The following ARID5B variants were observed in gnomAD, a reference collection of about 807,000 sequenced individuals.
The protein encoded by ARID5B is AT-rich interactive domain-containing protein 5B.
In ARID5B, 13 loss-of-function variants were observed where a neutral mutation model predicts 97.2. The observed-to-expected ratio is 0.13, with a 90% confidence interval of 0.09 to 0.21. ARID5B has a LOEUF of 0.21. ARID5B is among the 10% of genes least tolerant of loss of function. The pLI is 1.00. For missense variants in ARID5B, 1,210 were observed against 1,465.3 expected, an observed-to-expected ratio of 0.83 and a Z score of 2.84; for synonymous variants, 556 against 570.3, an observed-to-expected ratio of 0.97 and a Z score of 0.36.
chr10:62,095,207 A>G lies in ARID5B; in HGVS notation c.*2177A>G, dbSNP rs1029135814. ...GCTATTGCACAAGCTAGAGGGGGGA[A>G]AAATCTCAATTCCAGCTGGCAAGAT... On this transcript the variant is annotated 3_prime_UTR_variant, in exon 10 of 10. Coordinates refer to ENST00000279873, the MANE Select transcript of ARID5B (RefSeq NM_032199.3). The G allele has an allele frequency of 1.8e-4, 43 of 233,344 alleles. No individual in the cohort carries two copies. Among genetic ancestry groups the G allele is most frequent in the African/African-American group, 9.3e-4 (42 of 45,338 alleles). 14.5% of individuals were successfully genotyped at this position (233,344 alleles called of 1,614,324 possible). A position where few individuals can be genotyped will look rare whatever the true frequency, so the allele number is the denominator to read the frequency against.
chr10:62,091,788 T>G lies in ARID5B; in HGVS notation c.2325T>G (p.His775Gln). ...ERKTINDIFK[H>Q]EKLSRSDPHR... Reference sequence around the variant, plus strand: ...AGACCATCAATGACATCTTTAAGCATGAGAAACTGAGTCGATCAGATCCCC... The same window carrying G: ...AGACCATCAATGACATCTTTAAGCAGGAGAAACTGAGTCGATCAGATCCCC... The change falls in exon 10 of 10, where the codon CAT becomes CAG. Residue 775 changes from histidine to glutamine, a missense_variant. By Grantham distance (24) the His-to-Gln change is conservative. Around this residue, in one of 8 missense-constraint regions of ARID5B, gnomAD observed 800 missense variants for 839.1 expected, o/e 0.95. Transcript: ENST00000279873. 1 of 1,614,106 alleles carries G rather than the reference T, an allele frequency of 6.2e-7. No homozygotes were observed. The highest frequency in any genetic ancestry group is 8.5e-7 in the Non-Finnish European group (1 of 1,180,010).
At chr10:62,061,548 G>A (rs1839921170) in intron 7 of ARID5B, among the ~76,000 whole-genome samples, 1 of 152,192 alleles carries the variant, frequency 6.6e-6, no homozygotes. Context: ...GCCTTCAGAT[G>A]CTAGGCCCTT....
In ARID5B at chr10:62,046,406, T is replaced by G. The variant is rs139541354; in HGVS notation, c.734-4482T>G. On this transcript the variant is annotated intron_variant, in intron 4 of 9. Coordinates refer to ENST00000279873, the MANE Select transcript of ARID5B (RefSeq NM_032199.3). ...GTGAACCCGTAGTGAAATAAATATA[T>G]AAACAAATTGTCTGCAACTCAGCTT... Among the ~76,000 whole-genome samples the G allele has an allele frequency of 6.7e-3, 1,016 of 152,306 alleles. 16 individuals are homozygous for G. The highest frequency in any genetic ancestry group is 0.024 in the African/African-American group (978 of 41,560).
At chr10:62,033,413 T>A (rs1839522074) in intron 4 of ARID5B, among the ~76,000 whole-genome samples, 1 of 152,262 alleles carries the variant, frequency 6.6e-6, no homozygotes, top group Non-Finnish European at 1.5e-5. Flanking sequence ...ATCACCAAGA[T>A]AAGTTCTTCC....
chr10:61,944,781 T>C (rs1404360246), intron 3 of ARID5B, among the ~76,000 whole-genome samples: 1 of 152,210 alleles, frequency 6.6e-6, no homozygotes, highest in East Asian at 1.9e-4. Flanking sequence ...GCAGACTCAT[T>C]GTCAATTATG....
chr10:62,096,097 A>G lies in ARID5B; in HGVS notation c.*3067A>G, dbSNP rs966922019. ...TAAGTATTCTTCTAGTAAGTGATTC[A>G]AACTTGTAATATTTGCCACAGGACT... On this transcript the variant is annotated 3_prime_UTR_variant, in exon 10 of 10. Coordinates refer to ENST00000279873, the MANE Select transcript of ARID5B (RefSeq NM_032199.3). 3.4e-5 allele frequency: 8 copies of G among 233,470 alleles called. No homozygotes were observed. Among genetic ancestry groups the G allele is most frequent in the Non-Finnish European group, 6.8e-5 (8 of 117,992 alleles). The allele number at this position is 233,470 out of a possible 1,614,324, so 14.5% of individuals were successfully genotyped here. A position where few individuals can be genotyped will look rare whatever the true frequency, so the allele number is the denominator to read the frequency against.
At chr10:62,087,298 CAAA>C (rs71299289) in intron 9 of ARID5B, among the ~76,000 whole-genome samples, 7 of 40,930 alleles carry the variant, frequency 1.7e-4, no homozygotes, top group East Asian at 7.9e-4. Context: ...GACTCTATCT[CAAA>C]AAAAAAAAAA....
intron 3 of ARID5B, among the ~76,000 whole-genome samples, chr10:61,987,325 T>C (rs1218621043): frequency 6.6e-6 from 1 of 152,138 alleles, no homozygotes; most frequent in Non-Finnish European, 1.5e-5. Flanking sequence ...CCAACATTAA[T>C]TAAAAATCTA....
intron 3 of ARID5B, among the ~76,000 whole-genome samples, chr10:61,964,171 A>G (rs913645741): frequency 3.3e-4 from 50 of 152,288 alleles, no homozygotes; most frequent in East Asian, 1.2e-3. Context: ...GATAGCAGCC[A>G]GGGACCTCTT....
intron 2 of ARID5B, among the ~76,000 whole-genome samples, chr10:61,929,547 T>C (rs1309499525): frequency 1.3e-5 from 2 of 152,188 alleles, no homozygotes; most frequent in African/African-American, 4.8e-5. Context: ...TTATAGTTGC[T>C]TAGATACATT....
intron 3 of ARID5B, among the ~76,000 whole-genome samples, chr10:61,968,107 G>A (rs901233179): frequency 4.8e-5 from 7 of 144,680 alleles, no homozygotes; most frequent in African/African-American, 1.8e-4. Flanking sequence ...AGAATTTATA[G>A]GTCTATAAAC....
intron 3 of ARID5B, among the ~76,000 whole-genome samples, chr10:61,948,370 A>G (rs935600088): frequency 1.7e-5 from 2 of 118,514 alleles, no homozygotes; most frequent in African/African-American, 3.3e-5. Flanking sequence ...CTTAGGATAC[A>G]CTTTAGGTAA....
Position 61,901,716 on chromosome 10 carries a change from C to G in ARID5B, c.7C>G (p.Pro3Ala), listed in dbSNP as rs189036287. The G allele has an allele frequency of 6.2e-7, 1 of 1,613,928 alleles. No individual in the cohort carries two copies. Among genetic ancestry groups the G allele is most frequent in the Admixed American group, 1.7e-5 (1 of 60,010 alleles). Residue 3 changes from proline (P) to alanine (A), a missense_variant, in exon 1 of 10, where the codon CCC becomes GCC. This residue lies in a region of ARID5B where 80 missense variants were observed against 133.2 expected (regional missense o/e 0.60). Transcript: ENST00000279873. ...ATCAATTCAGAACGTCGAGATGGAGCCCAACTCACTCCAGGTATTTCGCTC... is the reference window on the plus strand; with the variant it reads ...ATCAATTCAGAACGTCGAGATGGAGGCCAACTCACTCCAGGTATTTCGCTC... MEPNSLQWVGSPC... is the reference protein window; with the variant it reads MEANSLQWVGSPC...
intron 8 of ARID5B, among the ~76,000 whole-genome samples, chr10:62,078,129 T>C (rs1046100365): frequency 2.0e-5 from 3 of 152,216 alleles, no homozygotes; most frequent in South Asian, 2.1e-4. Flanking sequence ...AATGCAATAG[T>C]TGTTTGCCTA....
chr10:61,992,230 G>A (rs577252281), intron 3 of ARID5B, among the ~76,000 whole-genome samples: 4 of 152,276 alleles, frequency 2.6e-5, no homozygotes, highest in Admixed American at 6.5e-5. Flanking sequence ...ATGTGGCTAA[G>A]ATGAACCCTA....
intron 3 of ARID5B, among the ~76,000 whole-genome samples, chr10:61,968,052 G>A (rs955577385): frequency 5.3e-5 from 8 of 149,834 alleles, no homozygotes; most frequent in African/African-American, 1.5e-4. Flanking sequence ...CTTATTGTAC[G>A]GCAAGTGGGT....
intron 3 of ARID5B, among the ~76,000 whole-genome samples, chr10:61,972,253 G>C (rs1405501771): frequency 8.4e-6 from 1 of 119,684 alleles, no homozygotes; most frequent in Non-Finnish European, 1.6e-5. Flanking sequence ...TTGAGACAGA[G>C]TTTCGCTCTT....
chr10:62,035,854 C>T lies in ARID5B; in HGVS notation c.734-15034C>T, dbSNP rs138080126. Among the ~76,000 whole-genome samples, 419 of 152,060 alleles carry T rather than the reference C, an allele frequency of 2.8e-3. 2 individuals are homozygous for T. The highest frequency in any genetic ancestry group is 0.027 in the Middle Eastern group (8 of 294). ...TTGGCTGGGGGTGGAGACAGAGTCT[C>T]GATCTTGTCACCCAGGCTGGAGTGC... On this transcript the variant is annotated intron_variant, in intron 4 of 9. Coordinates refer to ENST00000279873, the MANE Select transcript of ARID5B (RefSeq NM_032199.3).
Position 62,094,331 on chromosome 10 carries a change from T to C in ARID5B, c.*1301T>C, listed in dbSNP as rs1361465365. On this transcript the variant is annotated 3_prime_UTR_variant, in exon 10 of 10. Coordinates refer to ENST00000279873, the MANE Select transcript of ARID5B (RefSeq NM_032199.3). ...GTCTTTTGAGTGATAAGTAGTCATG[T>C]TGTTTTCATCCAGTTGGTTTCTTGT... is the stretch of plus-strand genomic sequence containing the variant. The C allele has an allele frequency of 4.3e-6, 1 of 230,590 alleles. No homozygotes were observed. Among genetic ancestry groups the C allele is most frequent in the African/African-American group, 2.2e-5 (1 of 45,218 alleles). 14.3% of individuals were successfully genotyped at this position (230,590 alleles called of 1,614,324 possible). A position where few individuals can be genotyped will look rare whatever the true frequency, so the allele number is the denominator to read the frequency against.
Sources: allele counts gnomAD v4.1 joint callset (sites outside exome capture counted in the v4.1 genomes callset), GRCh38; gene constraint gnomAD v4.1.1; regional missense constraint gnomAD v4.1.1; transcripts MANE v1.5; gene names NCBI Gene and HGNC (gene_info 2026-07-23, HGNC 2026-07-21).